XPOT: variants seen among roughly 807,000 people sequenced by gnomAD.
XPOT encodes the protein exportin for tRNA.
In XPOT, 34 loss-of-function variants were observed where a neutral mutation model predicts 128.2. That is an observed-to-expected ratio of 0.27 (90% CI 0.20 to 0.35). The LOEUF (loss-of-function observed/expected upper bound fraction) is 0.35. Ranked by LOEUF, XPOT falls within the 10% of genes least tolerant of loss-of-function variation. XPOT has a pLI of 1.00. For synonymous variants in XPOT, 348 were observed against 394.3 expected (o/e 0.88, Z 1.39); for missense variants, 838 against 1,125.3 (o/e 0.74, Z 3.65).
rs1027845800 is a variant in XPOT, at chr12:64,425,033, G to A, written c.1308-5G>A. ...AAATCTCACTGACATATTATACCTTGGTAGGAATTGGCAGACTACACGGTT... is the reference window on the plus strand; with the variant it reads ...AAATCTCACTGACATATTATACCTTAGTAGGAATTGGCAGACTACACGGTT... On this transcript the variant is annotated splice_region_variant and splice_polypyrimidine_tract_variant and intron_variant, in intron 12 of 24. Coordinates refer to ENST00000332707, the MANE Select transcript of XPOT (RefSeq NM_007235.6). 6.2e-7 allele frequency: 1 copy of A among 1,612,196 alleles called. No individual in the cohort carries two copies. Among genetic ancestry groups the A allele is most frequent in the East Asian group, 2.2e-5 (1 of 44,862 alleles).
chr12:64,414,925 C>G lies in XPOT; in HGVS notation c.79C>G (p.Gln27Glu). 6.2e-7 allele frequency: 1 copy of G among 1,612,790 alleles called. No homozygotes were observed. The highest frequency in any genetic ancestry group is 1.1e-5 in the South Asian group (1 of 91,022). Residue 27 changes from glutamine to glutamate, a missense_variant, in exon 3 of 25, where the codon CAG becomes GAG. Gln to Glu is a conservative substitution (Grantham distance 29). Coordinates refer to ENST00000332707, the MANE Select transcript of XPOT (RefSeq NM_007235.6). ...CTTATAGGCCCTGGCCTATTTTGAG[C>G]AGTTAAAAATTTCCCCAGATGCCTG... The part of the protein sequence containing the change: ...FRQRALAYFE[Q>E]LKISPDAWQV...
chr12:64,416,543 A>C (rs2040088915), intron 3 of XPOT, among the ~76,000 whole-genome samples, 155 bp from the exon 4 acceptor site: 1 of 152,196 alleles, frequency 6.6e-6, no homozygotes, highest in Non-Finnish European at 1.5e-5. Flanking sequence ...AAGTAAATGG[A>C]TTTTAATGTC....
intron 24 of XPOT, 23 bp downstream of exon 24, chr12:64,445,154 T>A: frequency 1.3e-6 from 2 of 1,566,574 alleles, no homozygotes. Context: ...GAAGCTCACG[T>A]ATCTTCATAC....
chr12:64,422,548 A>G (rs1443010941), intron 9 of XPOT, among the ~76,000 whole-genome samples: 1 of 152,218 alleles, frequency 6.6e-6, no homozygotes, highest in African/African-American at 2.4e-5. Context: ...TTTTAAATAT[A>G]GGCAGCTGCT....
At chr12:64,415,730 A>G (rs887908361) in intron 3 of XPOT, among the ~76,000 whole-genome samples, 2 of 152,146 alleles carry the variant, frequency 1.3e-5, no homozygotes, top group African/African-American at 4.8e-5. Flanking sequence ...TCGGTGACCA[A>G]TCTTTTAATA....
intron 2 of XPOT, among the ~76,000 whole-genome samples, chr12:64,411,515 T>A (rs2040038282): frequency 6.6e-6 from 1 of 152,194 alleles, no homozygotes. Context: ...CAATACATTA[T>A]TAGTGGTTTT....
In XPOT at chr12:64,425,409, A is replaced by G; in HGVS notation, c.1524A>G (p.Arg508=). ...TGGAGTTCTTCGAAACTGTTGTTAG[A>G]TATGAAAAGTTTTTCACAGTTGAAC... is the stretch of plus-strand genomic sequence containing the variant. The part of the protein sequence containing the change: ...VTLEFFETVV[R]YEKFFTVEPQ... Residue 508 remains arginine, a synonymous_variant, in exon 14 of 25, where the codon AGA becomes AGG. Coordinates refer to ENST00000332707, the MANE Select transcript of XPOT (RefSeq NM_007235.6). 6.2e-7 allele frequency: 1 copy of G among 1,613,868 alleles called. No homozygotes were observed. The highest frequency in any genetic ancestry group is 2.2e-5 in the East Asian group (1 of 44,860).
At position 64,421,273 on chromosome 12, in the gene XPOT, G is replaced by C. The variant is rs371807472; in HGVS notation, c.882G>C (p.Leu294Phe). Residue 294 changes from leucine to phenylalanine, a missense_variant, in exon 9 of 25, where the codon TTG (leucine) becomes TTC (phenylalanine). Coordinates refer to ENST00000332707, the MANE Select transcript of XPOT (RefSeq NM_007235.6). ...DVDFLARFSK[L>F]VNGMGQSLIV... ...ACTTCCTGGCCAGATTTTCTAAGTT[G>C]GTAAATGGAATGGGACAGTCATTGA... 6.8e-6 allele frequency: 11 copies of C among 1,613,692 alleles called. No homozygotes were observed. The African/African-American group carries it at 1.2e-4, about 18-fold the overall frequency.
In XPOT at chr12:64,450,152, ACT is replaced by A. The variant is rs1491151358; in HGVS notation, c.*2022_*2023del. ...TATGGAATTAATAGTGTATCACTATACTTTTTTTTTCTTTTTTTTTTTTGAAT... is the reference window on the plus strand; with the variant it reads ...TATGGAATTAATAGTGTATCACTATATTTTTTTTCTTTTTTTTTTTTGAAT... On this transcript the variant is annotated 3_prime_UTR_variant, in exon 25 of 25. Transcript: ENST00000332707. 6.6e-6 allele frequency: 1 copy of A among 151,950 alleles called. No individual in the cohort carries two copies. Among genetic ancestry groups the A allele is most frequent in the Non-Finnish European group, 1.5e-5 (1 of 68,010 alleles). The allele number at this position is 151,950 out of a possible 1,614,324, so 9.4% of individuals were successfully genotyped here. A position where few individuals can be genotyped will look rare whatever the true frequency, so the allele number is the denominator to read the frequency against.
intron 12 of XPOT, 59 bp from the exon 13 acceptor site, chr12:64,424,979 A>G: frequency 6.2e-7 from 1 of 1,600,196 alleles, no homozygotes; most frequent in South Asian, 1.1e-5. Flanking sequence ...TACCCTGTGC[A>G]TAATTTGCTG....
chr12:64,417,529 C>CAAA (rs55993660), intron 4 of XPOT, among the ~76,000 whole-genome samples: 131 of 107,154 alleles, frequency 1.2e-3, no homozygotes, highest in Admixed American at 2.1e-3. Context: ...GACCTTGTCT[C>CAAA]AAAAAAAAAA....
Position 64,449,274 on chromosome 12 carries a change from A to G in XPOT, c.*1143A>G, listed in dbSNP as rs1234976647. 1 of 152,090 alleles carries G rather than the reference A, an allele frequency of 6.6e-6. No homozygotes were observed. The highest frequency in any genetic ancestry group is 1.5e-5 in the Non-Finnish European group (1 of 68,020). The allele number at this position is 152,090 out of a possible 1,614,324, so 9.4% of individuals were successfully genotyped here. ...GATGTATTTAGAACACAGTATACCTATAGTATACCTATGTGTTTATTATGT... is the reference window on the plus strand; with the variant it reads ...GATGTATTTAGAACACAGTATACCTGTAGTATACCTATGTGTTTATTATGT... On this transcript the variant is annotated 3_prime_UTR_variant, in exon 25 of 25. Coordinates refer to ENST00000332707, the MANE Select transcript of XPOT (RefSeq NM_007235.6).
chr12:64,410,045 C>A lies in XPOT; in HGVS notation c.10C>A (p.Gln4Lys). MDEQALLGLNPNAD... is the reference protein window; with the variant it reads MDEKALLGLNPNAD... ...AAGTATAACAGCGAGGATGGATGAA[C>A]AGGCTCTATTAGGGCTAAATCCAAA... Residue 4 changes from glutamine (Q) to lysine (K), a missense_variant, in exon 2 of 25, where the codon CAG (glutamine) becomes AAG (lysine). Around this residue, in one of 3 missense-constraint regions of XPOT, gnomAD observed 761 missense variants for 988.3 expected, o/e 0.77. Coordinates refer to ENST00000332707, the MANE Select transcript of XPOT (RefSeq NM_007235.6). 6 of 1,613,788 alleles carry A rather than the reference C, an allele frequency of 3.7e-6. No homozygotes were observed. The highest frequency in any genetic ancestry group is 5.1e-6 in the Non-Finnish European group (6 of 1,179,910).
At chr12:64,429,862 G>A (rs907262312) in intron 16 of XPOT, among the ~76,000 whole-genome samples, 187 bp from the exon 17 acceptor site, 1 of 152,170 alleles carries the variant, frequency 6.6e-6, no homozygotes, top group African/African-American at 2.4e-5. Context: ...AATTAGAACC[G>A]TGATCTGTTG....
chr12:64,425,777 A>G (rs553069364), intron 14 of XPOT, 38 bp from the exon 15 acceptor site: 1 of 1,596,616 alleles, frequency 6.3e-7, no homozygotes, highest in Non-Finnish European at 8.6e-7. Context: ...AAAACCCTTG[A>G]AAAAATGCAG....
intron 23 of XPOT, chr12:64,443,076 C>CCT (rs894133900): frequency 7.7e-4 from 117 of 152,472 alleles, no homozygotes; most frequent in African/African-American, 2.7e-3. Context: ...GAACTCCTGA[C>CCT]CTCGTGATCC....
intron 2 of XPOT, among the ~76,000 whole-genome samples, chr12:64,412,871 T>A (rs2040052988): frequency 6.6e-6 from 1 of 152,092 alleles, no homozygotes; most frequent in Non-Finnish European, 1.5e-5. Flanking sequence ...TGATGAAGGA[T>A]CCACCTCATG....
chr12:64,418,180 T>G, intron 5 of XPOT, 65 bp downstream of exon 5: 1 of 1,384,144 alleles, frequency 7.2e-7, no homozygotes, highest in Admixed American at 1.9e-5. Context: ...TTTGCAAGAG[T>G]TTGGAACTTT....
At chr12:64,425,233 G>C in intron 13 of XPOT, 51 bp downstream of exon 13, 1 of 1,610,436 alleles carries the variant, frequency 6.2e-7, no homozygotes, top group Non-Finnish European at 8.5e-7. Flanking sequence ...TTCAGTATAA[G>C]CTAATGGGAG....
Sources: allele counts gnomAD v4.1 joint callset (sites outside exome capture counted in the v4.1 genomes callset), GRCh38; gene constraint gnomAD v4.1.1; regional missense constraint gnomAD v4.1.1; transcripts MANE v1.5; gene names NCBI Gene and HGNC (gene_info 2026-07-23, HGNC 2026-07-21).